Variants in PREX1 observed in about 807,000 individuals in gnomAD.
The protein encoded by PREX1 is phosphatidylinositol 3,4,5-trisphosphate-dependent Rac exchanger 1 protein.
In PREX1, 41 loss-of-function variants were observed where a neutral mutation model predicts 198.3. The ratio of observed to expected loss-of-function variants is 0.21; its 90% CI spans 0.16 to 0.27. PREX1 has a LOEUF of 0.27. Among genes scored for constraint, PREX1 ranks in the 10% least tolerant of loss-of-function variants. The pLI is 1.00. For synonymous variants in PREX1, 843 were observed against 887.2 expected (o/e 0.95, Z 0.89); for missense variants, 1,620 against 2,200.7 (o/e 0.74, Z 5.28).
At chr20:48,860,710 C>T in the PREX1 span, among the ~76,000 whole-genome samples, 35 of 151,818 alleles carry the variant, frequency 2.3e-4, no homozygotes, top group East Asian at 1.7e-3. Flanking sequence ...TGTGGTGGCA[C>T]GTGCCAGTAG....
intron 1 of PREX1, among the ~76,000 whole-genome samples, chr20:48,787,455 G>A (rs2090318422): frequency 6.6e-6 from 1 of 151,740 alleles, no homozygotes; most frequent in African/African-American, 2.4e-5. Flanking sequence ...GCGAATGCCC[G>A]CTGGCAGCAA....
chr20:48,839,044 A>G, the PREX1 span, among the ~76,000 whole-genome samples: 1 of 151,876 alleles, frequency 6.6e-6, no homozygotes, highest in African/African-American at 2.4e-5. Context: ...TTTTAAAATA[A>G]CAAGAGTAGT....
chr20:48,744,896 C>A, intron 3 of PREX1, 129 bp downstream of exon 3: 1 of 1,273,670 alleles, frequency 7.9e-7, no homozygotes, highest in East Asian at 2.4e-5. Flanking sequence ...GCCCACCTGC[C>A]CACCTTGCTA....
At chr20:48,708,743 G>A (rs1601089834) in intron 5 of PREX1, among the ~76,000 whole-genome samples, 1 of 152,260 alleles carries the variant, frequency 6.6e-6, no homozygotes, top group East Asian at 1.9e-4. Context: ...AAAAACCCGA[G>A]GGGAGAGCCT....
chr20:48,633,801 C>T (rs1333576000), intron 33 of PREX1, among the ~76,000 whole-genome samples: 2 of 152,162 alleles, frequency 1.3e-5, no homozygotes, highest in East Asian at 1.9e-4. Context: ...GCCCTGGGAT[C>T]GTTGCAAAGT....
chr20:48,640,431 C>T (rs1166364105), intron 29 of PREX1, among the ~76,000 whole-genome samples: 1 of 152,240 alleles, frequency 6.6e-6, no homozygotes, highest in Non-Finnish European at 1.5e-5. Flanking sequence ...CTGCAAAAGA[C>T]AAAGGCTCTT....
At chr20:48,800,106 T>C (rs1015324524) in intron 1 of PREX1, among the ~76,000 whole-genome samples, 1 of 152,130 alleles carries the variant, frequency 6.6e-6, no homozygotes, top group Non-Finnish European at 1.5e-5. Flanking sequence ...TTCACCAAAC[T>C]TTACACTCAT....
intron 14 of PREX1, among the ~76,000 whole-genome samples, chr20:48,668,097 T>A (rs1397973289): frequency 6.6e-6 from 1 of 152,190 alleles, no homozygotes; most frequent in Non-Finnish European, 1.5e-5. Flanking sequence ...CCTGTTTCTG[T>A]TGCTTGCAAC....
intron 14 of PREX1, among the ~76,000 whole-genome samples, chr20:48,668,880 G>T (rs912108756): frequency 6.6e-6 from 1 of 152,118 alleles, no homozygotes; most frequent in Non-Finnish European, 1.5e-5. Flanking sequence ...CTCTGCAGAT[G>T]GGAGGCCCGG....
At chr20:48,686,660 G>A (rs886883485) in intron 10 of PREX1, among the ~76,000 whole-genome samples, 11 of 152,168 alleles carry the variant, frequency 7.2e-5, no homozygotes, top group African/African-American at 1.2e-4. Context: ...GCCCCGCCCC[G>A]CCTGCCCCAG....
chr20:48,826,729 C>A (rs867606375), intron 1 of PREX1, among the ~76,000 whole-genome samples: 2 of 152,234 alleles, frequency 1.3e-5, no homozygotes, highest in African/African-American at 4.8e-5. Context: ...GTGGCTGGCG[C>A]GTGCCTGTAA....
At chr20:48,775,275 T>G (rs116961592) in intron 1 of PREX1, among the ~76,000 whole-genome samples, 288 of 152,034 alleles carry the variant, frequency 1.9e-3, no homozygotes, top group Middle Eastern at 0.014. Flanking sequence ...TTCACCAGAA[T>G]AGACTGCGAA....
Position 48,692,784 on chromosome 20 carries a change from G to A in PREX1, c.924C>T (p.Thr308=), listed in dbSNP as rs545089328. ...TCCTCTTGGTGGACTTCTTGCTCCC[G>A]GTGACCCTGATAGACAGTGAGAAGT... ...LVYCKRKSRV[T]GSKKSTKRTK... The change falls in exon 8 of 40, where the codon ACC becomes ACT. Residue 308 remains threonine, a synonymous_variant. Transcript: ENST00000371941. 4.3e-5 allele frequency: 69 copies of A among 1,613,416 alleles called. No individual in the cohort carries two copies. Among genetic ancestry groups the A allele is most frequent in the Middle Eastern group, 1.6e-4 (1 of 6,084 alleles).
chr20:48,786,039 A>G (rs1315717308), intron 1 of PREX1, among the ~76,000 whole-genome samples: 2 of 152,198 alleles, frequency 1.3e-5, no homozygotes, highest in Non-Finnish European at 2.9e-5. Context: ...GAGCGGGCTC[A>G]TGGATCACAG....
intron 32 of PREX1, 32 bp from the exon 33 acceptor site, chr20:48,634,807 A>G: frequency 1.3e-6 from 2 of 1,589,408 alleles, no homozygotes; most frequent in Non-Finnish European, 1.7e-6. Flanking sequence ...GAGGAGTCTC[A>G]GATGCCAACC....
At chr20:48,817,094 C>A (rs1050314565) in intron 1 of PREX1, among the ~76,000 whole-genome samples, 1 of 152,160 alleles carries the variant, frequency 6.6e-6, no homozygotes, top group African/African-American at 2.4e-5. Flanking sequence ...TGGGAAGCAG[C>A]GTGTTCTGTG....
the PREX1 span, among the ~76,000 whole-genome samples, chr20:48,857,721 T>C: frequency 5.9e-5 from 9 of 152,208 alleles, no homozygotes; most frequent in Non-Finnish European, 1.0e-4. Context: ...TGCAGTGAGC[T>C]GTGATTTCGC....
At chr20:48,831,149 C>G (rs2090536360), upstream of PREX1, among the ~76,000 whole-genome samples, 1 of 152,122 alleles carries the variant, frequency 6.6e-6, no homozygotes, top group Non-Finnish European at 1.5e-5. Context: ...AGCAACATTG[C>G]CTCCTCACAC....
At chr20:48,678,835 A>G (rs2089727431) in intron 13 of PREX1, among the ~76,000 whole-genome samples, 1 of 152,214 alleles carries the variant, frequency 6.6e-6, no homozygotes, top group Non-Finnish European at 1.5e-5. Flanking sequence ...AGTCTTGGCT[A>G]TGTCTTTATC....
Sources: gnomAD v4.1 joint callset for allele counts (sites outside exome capture counted in the v4.1 genomes callset) on GRCh38, gnomAD v4.1.1 for gene constraint, MANE v1.5 for transcripts, NCBI Gene and HGNC (gene_info 2026-07-23, HGNC 2026-07-21) for gene names.